Variants in UBE3C observed in about 807,000 individuals in gnomAD.
UBE3C encodes ubiquitin protein ligase E3C.
Under a neutral mutation model 129.4 loss-of-function variants are expected in UBE3C, and 42 were observed. The observed-to-expected ratio is 0.32, with a 90% CI of 0.25 to 0.42. The LOEUF (loss-of-function observed/expected upper bound fraction) is 0.42. Among genes scored for constraint, UBE3C ranks in the 10% least tolerant of loss-of-function variants. UBE3C has a pLI of 1.00. For missense variants in UBE3C, 1,049 were observed against 1,319.1 expected (o/e 0.80, Z 3.17); for synonymous variants, 510 against 492.4 (o/e 1.04, Z -0.47).
Position 157,178,685 on chromosome 7 carries a change from TACAG to T in UBE3C, c.459-4_459-1del, listed in dbSNP as rs1393480289. 1 of 1,611,972 alleles carries T rather than the reference TACAG, an allele frequency of 6.2e-7. No individual in the cohort carries two copies. The highest frequency in any genetic ancestry group is 1.3e-5 in the African/African-American group (1 of 75,018). On this transcript the variant is annotated splice_acceptor_variant and splice_polypyrimidine_tract_variant and intron_variant, in intron 5 of 22. Coordinates refer to ENST00000348165, the MANE Select transcript of UBE3C (RefSeq NM_014671.3). LOFTEE classifies it high-confidence loss of function. ...AGTGTGTGAATACTTTTTTCATTTT[TACAG>T]GTTGCTGCAAAACTGTAATGATGAC...
intron 5 of UBE3C, among the ~76,000 whole-genome samples, chr7:157,177,797 C>T (rs916211844): frequency 1.3e-5 from 2 of 152,224 alleles, no homozygotes; most frequent in Non-Finnish European, 2.9e-5. Flanking sequence ...ACACCCCACC[C>T]AGAACCCTGC....
At chr7:157,204,808 G>C (rs575887874) in intron 11 of UBE3C, among the ~76,000 whole-genome samples, 1 of 152,290 alleles carries the variant, frequency 6.6e-6, no homozygotes, top group South Asian at 2.1e-4. Flanking sequence ...TGCTGGTGTT[G>C]GCTGTTTGAT....
intron 18 of UBE3C, among the ~76,000 whole-genome samples, chr7:157,234,699 C>T (rs184718929): frequency 6.1e-4 from 93 of 152,276 alleles, no homozygotes; most frequent in Non-Finnish European, 1.2e-3. Context: ...ACTACCGTAA[C>T]GGTATGTGTT....
At chr7:157,206,512 TC>T (rs1358026317) in intron 11 of UBE3C, among the ~76,000 whole-genome samples, 1 of 152,168 alleles carries the variant, frequency 6.6e-6, no homozygotes, top group Admixed American at 6.5e-5. Flanking sequence ...TCCACCCACC[TC>T]GGCCTCCCAG....
intron 17 of UBE3C, among the ~76,000 whole-genome samples, chr7:157,228,234 G>A (rs1795931520): frequency 6.6e-6 from 1 of 152,218 alleles, no homozygotes; most frequent in Admixed American, 6.5e-5. Flanking sequence ...ATTGATGGCT[G>A]TTCCTGCAGT....
Position 157,267,988 on chromosome 7 carries a change from G to A in UBE3C, c.*233G>A. On this transcript the variant is annotated 3_prime_UTR_variant, in exon 23 of 23. Coordinates refer to ENST00000348165, the MANE Select transcript of UBE3C (RefSeq NM_014671.3). ...CTTAAAATAACACGTTATGTGCCATGTGGCTACTTTAGTAATATTGCCAAG... is the reference window on the plus strand; with the variant it reads ...CTTAAAATAACACGTTATGTGCCATATGGCTACTTTAGTAATATTGCCAAG... 1 of 388,638 alleles carries A rather than the reference G, an allele frequency of 2.6e-6. No individual in the cohort carries two copies. The highest frequency in any genetic ancestry group is 5.1e-5 in the South Asian group (1 of 19,764). 24.1% of individuals were successfully genotyped at this position (388,638 alleles called of 1,614,324 possible).
intron 1 of UBE3C, among the ~76,000 whole-genome samples, chr7:157,140,634 G>C (rs1367049737): frequency 6.6e-6 from 1 of 152,202 alleles, no homozygotes; most frequent in Non-Finnish European, 1.5e-5. Context: ...ATTTGAAGGA[G>C]TGCCCATTCA....
intron 15 of UBE3C, 162 bp downstream of exon 15, chr7:157,220,938 T>A: frequency 3.9e-6 from 3 of 762,450 alleles, no homozygotes; most frequent in Non-Finnish European, 6.1e-6. Flanking sequence ...AAATTGCCTC[T>A]AGCTCCATTG....
chr7:157,187,517 G>A (rs1352313904), intron 10 of UBE3C, among the ~76,000 whole-genome samples: 2 of 151,398 alleles, frequency 1.3e-5, no homozygotes, highest in South Asian at 2.1e-4. Context: ...GAGTAGCTGG[G>A]ACCACAGGTG....
intron 1 of UBE3C, among the ~76,000 whole-genome samples, chr7:157,141,635 T>C (rs7807556): frequency 0.45 from 67,962 of 152,110 alleles, 16,956 homozygotes; most frequent in African/African-American, 0.69. Flanking sequence ...CCACGGTGTA[T>C]ATGTGGTCTG....
chr7:157,203,514 A>G (rs966809685), intron 11 of UBE3C, among the ~76,000 whole-genome samples: 10 of 152,196 alleles, frequency 6.6e-5, no homozygotes, highest in South Asian at 2.1e-4. Flanking sequence ...ACAGGAAATT[A>G]TCGTTTACCC....
chr7:157,248,871 C>T (rs1048404513), intron 19 of UBE3C, among the ~76,000 whole-genome samples: 7 of 152,162 alleles, frequency 4.6e-5, no homozygotes, highest in Admixed American at 1.3e-4. Context: ...TGGCTCTTCC[C>T]GGTGCTGGGG....
At position 157,178,696 on chromosome 7, in the gene UBE3C, G is replaced by A; in HGVS notation, c.465G>A (p.Leu155=). ...KRLMSLCCRL[L]QNCNDDSLNV... is the part of the protein sequence containing the mutation. ...ACTTTTTTCATTTTTACAGGTTGCT[G>A]CAAAACTGTAATGATGACAGTTTGA... is the stretch of plus-strand genomic sequence containing the variant. Residue 155 remains leucine (L), a synonymous_variant, in exon 6 of 23, where the codon CTG becomes CTA. Transcript: ENST00000348165. 1 of 1,612,944 alleles carries A rather than the reference G, an allele frequency of 6.2e-7. No homozygotes were observed. The highest frequency in any genetic ancestry group is 1.1e-5 in the South Asian group (1 of 91,024).
intron 1 of UBE3C, among the ~76,000 whole-genome samples, chr7:157,143,447 T>A (rs916611750): frequency 2.0e-5 from 3 of 152,182 alleles, no homozygotes; most frequent in African/African-American, 7.2e-5. Context: ...CCACAGGAGT[T>A]GCTTGTCTTT....
intron 16 of UBE3C, among the ~76,000 whole-genome samples, chr7:157,225,113 G>A (rs1004566663): frequency 5.3e-5 from 8 of 151,902 alleles, no homozygotes; most frequent in East Asian, 1.9e-4. Context: ...CAAGATTCTC[G>A]TGCCTCAGCC....
intron 10 of UBE3C, chr7:157,192,819 C>G: frequency 7.9e-7 from 1 of 1,268,734 alleles, no homozygotes; most frequent in Non-Finnish European, 1.1e-6. Flanking sequence ...TTCAACAAAC[C>G]AGAAGACAAG....
chr7:157,207,296 A>C (rs1586688469), intron 11 of UBE3C, 102 bp from the exon 12 acceptor site: 1 of 1,474,822 alleles, frequency 6.8e-7, no homozygotes, highest in East Asian at 2.3e-5. Flanking sequence ...TGCAAATGTT[A>C]CTTTCCCTGA....
intron 17 of UBE3C, among the ~76,000 whole-genome samples, chr7:157,229,124 A>C (rs1795954422): frequency 6.6e-6 from 1 of 152,106 alleles, no homozygotes; most frequent in Non-Finnish European, 1.5e-5. Flanking sequence ...CCCTGACTTC[A>C]TGCAGCAGCC....
intron 17 of UBE3C, among the ~76,000 whole-genome samples, chr7:157,229,480 A>T (rs1001823105): frequency 6.6e-6 from 1 of 151,776 alleles, no homozygotes. Flanking sequence ...ACGCCCGGCT[A>T]ATTTTTTTTT....
Sources: gnomAD v4.1 joint callset for allele counts (sites outside exome capture counted in the v4.1 genomes callset) on GRCh38, gnomAD v4.1.1 for gene constraint, MANE v1.5 for transcripts, NCBI Gene and HGNC (gene_info 2026-07-23, HGNC 2026-07-21) for gene names.